SLC2A2: variants seen among roughly 807,000 people sequenced by gnomAD.
The protein encoded by SLC2A2 is solute carrier family 2, facilitated glucose transporter member 2.
Under a neutral mutation model 54.5 loss-of-function variants are expected in SLC2A2, and 36 were observed. The observed-to-expected ratio is 0.66, with a 90% CI of 0.51 to 0.87. SLC2A2 has a LOEUF of 0.87. Among genes scored for constraint, SLC2A2 ranks in the 40% least tolerant of loss-of-function variants. The pLI is 0.00. For missense variants in SLC2A2, 543 were observed against 624.3 expected (o/e 0.87, Z 1.39); for synonymous variants, 223 against 219.1 (o/e 1.02, Z -0.16).
rs1277410679 is a variant in SLC2A2, at chr3:171,010,049, T to A, written c.405A>T (p.Ser135=). Residue 135 remains serine (S), a synonymous_variant, in exon 4 of 11, where the codon TCA becomes TCT. Coordinates refer to ENST00000314251, the MANE Select transcript of SLC2A2 (RefSeq NM_000340.2). Reference sequence around the variant, plus strand: ...ACCCCATCAAGAGAGCTCCAACTAATGACAGAATGTTTGCTACTAACATGG... The same window carrying A: ...ACCCCATCAAGAGAGCTCCAACTAAAGACAGAATGTTTGCTACTAACATGG... The part of the protein sequence containing the change: ...IKAMLVANIL[S]LVGALLMGFS... The A allele has an allele frequency of 1.2e-6, 2 of 1,611,548 alleles. No individual in the cohort carries two copies. The highest frequency in any genetic ancestry group is 1.7e-5 in the Admixed American group (1 of 59,868).
chr3:171,015,091 C>A (rs566480750), intron 2 of SLC2A2, among the ~76,000 whole-genome samples: 1 of 152,180 alleles, frequency 6.6e-6, no homozygotes, highest in Non-Finnish European at 1.5e-5. Context: ...TGACCTTTAA[C>A]TTTTTAACAG....
rs1715550873 is a variant in SLC2A2 at position 171,005,439 on chromosome 3, G to A, written c.809C>T (p.Thr270Ile). 6.2e-7 allele frequency: 1 copy of A among 1,612,292 alleles called. No homozygotes were observed. Among genetic ancestry groups the A allele is most frequent in the African/African-American group, 1.3e-5 (1 of 74,768 alleles). ...LKRLRGYDDV[T>I]KDINEMRKER... Reference sequence around the variant, plus strand: ...TTTTCTCATTTCATTAATATCTTTGGTGACATCATCATATCCTCTGAGTCT... The same window carrying A: ...TTTTCTCATTTCATTAATATCTTTGATGACATCATCATATCCTCTGAGTCT... Residue 270 changes from threonine to isoleucine, a missense_variant, in exon 7 of 11, where the codon ACC (threonine) becomes ATC (isoleucine). Physicochemically the swap from Thr to Ile is moderately conservative, Grantham distance 89. This residue lies in a region of SLC2A2 where 318 missense variants were observed against 343.8 expected (regional missense o/e 0.93). Transcript: ENST00000314251.
intron 3 of SLC2A2, among the ~76,000 whole-genome samples, chr3:171,012,326 T>A (rs1211680834): frequency 6.6e-6 from 1 of 152,202 alleles, no homozygotes; most frequent in African/African-American, 2.4e-5. Context: ...AGCTATTAAG[T>A]GACAGATCTT....
intron 7 of SLC2A2, among the ~76,000 whole-genome samples, chr3:171,004,779 G>T (rs1328351826): frequency 6.6e-6 from 1 of 151,944 alleles, no homozygotes; most frequent in South Asian, 2.1e-4. Context: ...ACAATATCAT[G>T]CCAGTTTACT....
chr3:171,001,880 ACTT>A (rs1227458717), intron 8 of SLC2A2, among the ~76,000 whole-genome samples: 1 of 138,438 alleles, frequency 7.2e-6, no homozygotes, highest in Non-Finnish European at 1.6e-5. Flanking sequence ...AAGAACCATC[ACTT>A]CTTATATAAA....
chr3:171,012,438 T>C (rs1231665384), intron 3 of SLC2A2, among the ~76,000 whole-genome samples: 1 of 152,184 alleles, frequency 6.6e-6, no homozygotes, highest in Admixed American at 6.5e-5. Flanking sequence ...ATGCATCGCT[T>C]CCTTTACTCA....
intron 2 of SLC2A2, among the ~76,000 whole-genome samples, chr3:171,016,076 G>A (rs1242069379): frequency 6.6e-6 from 1 of 152,154 alleles, no homozygotes; most frequent in East Asian, 1.9e-4. Flanking sequence ...GCAAAGGCCT[G>A]TTTGGTAATG....
intron 1 of SLC2A2, among the ~76,000 whole-genome samples, chr3:171,025,088 A>G (rs1008103278): frequency 1.3e-4 from 20 of 152,134 alleles, no homozygotes; most frequent in Non-Finnish European, 2.6e-4. Context: ...AAATCTACAT[A>G]CCATCTATGT....
chr3:171,010,160 A>G, intron 3 of SLC2A2, 78 bp from the exon 4 acceptor site: 1 of 1,449,154 alleles, frequency 6.9e-7, no homozygotes. Flanking sequence ...GCATGTTGAG[A>G]TTTTTTTTAA....
intron 1 of SLC2A2, among the ~76,000 whole-genome samples, chr3:171,023,793 G>C (rs1394763359): frequency 6.6e-6 from 1 of 152,182 alleles, no homozygotes; most frequent in Non-Finnish European, 1.5e-5. Context: ...AACCTAGTAA[G>C]TGCAGAAGAT....
At chr3:171,012,094 GTGGTCA>G (rs1396827493) in intron 3 of SLC2A2, among the ~76,000 whole-genome samples, 1 of 152,028 alleles carries the variant, frequency 6.6e-6, no homozygotes, top group African/African-American at 2.4e-5. Flanking sequence ...GATTATTGTC[GTGGTCA>G]TGGTCATTGT....
In SLC2A2 at chr3:171,020,196, C is replaced by CAGA. The variant is rs34017892; in HGVS notation, c.16-1576_16-1574dup. ...CCAGTATAAAGAATAGCAAATTAGC[C>CAGA]AGAACCCTTCATTACCCTGAAAAGC... is the stretch of plus-strand genomic sequence containing the variant. On this transcript the variant is annotated intron_variant, in intron 1 of 10. Coordinates refer to ENST00000314251, the MANE Select transcript of SLC2A2 (RefSeq NM_000340.2). 3.8e-3 allele frequency among the ~76,000 whole-genome samples: 583 copies of CAGA among 152,224 alleles called. 2 individuals carry two copies. Among genetic ancestry groups the CAGA allele is most frequent in the Middle Eastern group, 0.017 (5 of 294 alleles).
chr3:171,021,986 G>A (rs2108265597), intron 1 of SLC2A2, among the ~76,000 whole-genome samples: 1 of 152,284 alleles, frequency 6.6e-6, no homozygotes, highest in East Asian at 1.9e-4. Context: ...GGTAATCCAG[G>A]AAAATCTCAT....
chr3:171,020,076 TTAG>T (rs1254232296), intron 1 of SLC2A2, among the ~76,000 whole-genome samples: 1 of 152,210 alleles, frequency 6.6e-6, no homozygotes, highest in Non-Finnish European at 1.5e-5. Flanking sequence ...TCTCACTCTC[TTAG>T]TAGGTATGTG....
chr3:171,020,666 T>G (rs1716416506), intron 1 of SLC2A2, among the ~76,000 whole-genome samples: 1 of 152,076 alleles, frequency 6.6e-6, no homozygotes, highest in Non-Finnish European at 1.5e-5. Flanking sequence ...GCAGATGGCT[T>G]GAGCCTAAGA....
intron 1 of SLC2A2, among the ~76,000 whole-genome samples, chr3:171,026,432 A>G (rs1469253921): frequency 2.7e-5 from 4 of 148,084 alleles, no homozygotes; most frequent in Non-Finnish European, 3.0e-5. Context: ...GTTATGCACA[A>G]TTACTTGAAA....
At chr3:171,020,499 G>A (rs1716404527) in intron 1 of SLC2A2, among the ~76,000 whole-genome samples, 1 of 152,068 alleles carries the variant, frequency 6.6e-6, no homozygotes, top group Non-Finnish European at 1.5e-5. Flanking sequence ...GGACTTCAAA[G>A]TTGACCCAAA....
Position 171,019,063 on chromosome 3 carries a change from GTGTGTGTGTGTGTATATATATA to G in SLC2A2, c.16-462_16-441del, listed in dbSNP as rs1246689797. On this transcript the variant is annotated intron_variant, in intron 1 of 10. Transcript: ENST00000314251. ...TATATATATATTTGTTGATATGTGT[GTGTGTGTGTGTGTATATATATA>G]TGTGTGTGTGTGTATATATATATAT... 6.3e-5 allele frequency among the ~76,000 whole-genome samples: 8 copies of G among 126,278 alleles called. No individual in the cohort carries two copies. The South Asian group carries it at 1.5e-3, about 23-fold the overall frequency. 82.8% of individuals were successfully genotyped at this position (126,278 alleles called of 152,430 possible).
At position 171,002,557 on chromosome 3, in the gene SLC2A2, A is replaced by G; in HGVS notation, c.1068+19T>C. 1 of 1,489,340 alleles carries G rather than the reference A, an allele frequency of 6.7e-7. No homozygotes were observed. Among genetic ancestry groups the G allele is most frequent in the Non-Finnish European group, 9.4e-7 (1 of 1,068,206 alleles). The allele number at this position is 1,489,340 out of a possible 1,614,324, so 92.3% of individuals were successfully genotyped here. On this transcript the variant is annotated intron_variant, in intron 8 of 10. Transcript: ENST00000314251. ...GGACTAAGGAACAAGCAGAGTATTTATCTAGGGCATTGACTTACAGAGACA... is the reference window on the plus strand; with the variant it reads ...GGACTAAGGAACAAGCAGAGTATTTGTCTAGGGCATTGACTTACAGAGACA...
Sources: gnomAD v4.1 joint callset for allele counts (sites outside exome capture counted in the v4.1 genomes callset) on GRCh38, gnomAD v4.1.1 for gene constraint, gnomAD v4.1.1 regional missense constraint, MANE v1.5 for transcripts, NCBI Gene and HGNC (gene_info 2026-07-23, HGNC 2026-07-21) for gene names.